The following ZBTB46 variants were observed in gnomAD, a reference collection of about 807,000 sequenced individuals.
The protein encoded by ZBTB46 is zinc finger and BTB domain-containing protein 46.
In ZBTB46, 8 loss-of-function variants were observed where a neutral mutation model predicts 44.1. The observed-to-expected ratio is 0.18, with a 90% CI of 0.11 to 0.33. The LOEUF (loss-of-function observed/expected upper bound fraction) is 0.33. ZBTB46 is among the 10% of genes least tolerant of loss of function. The probability of loss-of-function intolerance (pLI) is 1.00; values close to 1 mark genes in which losing one functional copy is unlikely to be tolerated. For missense variants in ZBTB46, 651 were observed against 847.7 expected (o/e 0.77, Z 2.88); for synonymous variants, 409 against 382.3 (o/e 1.07, Z -0.81).
chr20:63,826,106 A>G (rs2146103001), intron 1 of ZBTB46, among the ~76,000 whole-genome samples: 2 of 152,374 alleles, frequency 1.3e-5, no homozygotes, highest in Admixed American at 1.3e-4. Context: ...GCGATATGCC[A>G]GCGAATGGGA....
At chr20:63,762,213 G>A (rs1296155111) in intron 3 of ZBTB46, among the ~76,000 whole-genome samples, 1 of 152,172 alleles carries the variant, frequency 6.6e-6, no homozygotes, top group Admixed American at 6.5e-5. Context: ...TTTAACATTT[G>A]AAAACTGTGT....
At chr20:63,764,943 G>T (rs1175163640) in intron 3 of ZBTB46, among the ~76,000 whole-genome samples, 1 of 150,894 alleles carries the variant, frequency 6.6e-6, no homozygotes, top group Non-Finnish European at 1.5e-5. Flanking sequence ...TTTTGAGACG[G>T]AGTCTTGCTC....
chr20:63,823,880 G>GTGTGTGTGTGTGTGTGTGTGTGTA (rs2092806121), intron 1 of ZBTB46, among the ~76,000 whole-genome samples: 1 of 151,828 alleles, frequency 6.6e-6, no homozygotes, highest in African/African-American at 2.4e-5. Flanking sequence ...GTGTGTGTGT[G>GTGTGTGTGTGTGTGTGTGTGTGTA]TGTGTGTGTT....
chr20:63,781,434 C>T (rs1352028763), intron 2 of ZBTB46, among the ~76,000 whole-genome samples: 1 of 152,300 alleles, frequency 6.6e-6, no homozygotes, highest in Non-Finnish European at 1.5e-5. Flanking sequence ...AAGACCTGGA[C>T]AGACACTTTA....
intron 1 of ZBTB46, among the ~76,000 whole-genome samples, chr20:63,819,849 C>T (rs1177219435): frequency 6.6e-6 from 1 of 152,156 alleles, no homozygotes; most frequent in African/African-American, 2.4e-5. Context: ...CGCATTTCAC[C>T]GTCCAGCAGA....
chr20:63,823,452 C>T (rs957561419), intron 1 of ZBTB46, among the ~76,000 whole-genome samples: 16 of 151,588 alleles, frequency 1.1e-4, no homozygotes, highest in African/African-American at 3.6e-4. Flanking sequence ...GAGCCAAGAT[C>T]ACGCCACTGC....
intron 3 of ZBTB46, among the ~76,000 whole-genome samples, chr20:63,761,637 C>T (rs1045918135): frequency 6.6e-6 from 1 of 151,934 alleles, no homozygotes; most frequent in Non-Finnish European, 1.5e-5. Context: ...CAAAAATTAT[C>T]CAGGCGTGGT....
chr20:63,822,651 C>T (rs1463712061), intron 1 of ZBTB46, among the ~76,000 whole-genome samples: 2 of 152,086 alleles, frequency 1.3e-5, no homozygotes, highest in Admixed American at 6.6e-5. Context: ...GACCACACGG[C>T]GAGCACAGGA....
intron 1 of ZBTB46, among the ~76,000 whole-genome samples, chr20:63,796,448 A>G (rs2092604996): frequency 6.6e-6 from 1 of 152,248 alleles, no homozygotes; most frequent in African/African-American, 2.4e-5. Context: ...ACACTGTTTT[A>G]CCACATTCAC....
chr20:63,775,804 CG>C lies in ZBTB46; in HGVS notation c.1095del (p.Ala366ArgfsTer10), dbSNP rs2092420689. 6.2e-7 allele frequency: 1 copy of C among 1,613,298 alleles called. No homozygotes were observed. Among genetic ancestry groups the C allele is most frequent in the Non-Finnish European group, 8.5e-7 (1 of 1,179,990 alleles). ...AGCGCCGCGCGCAGGTTGGCCACCG[CG>C]GTGGCCTGATGCAGGGCGTCGTCCT... is the stretch of plus-strand genomic sequence containing the variant. ...PEKDDALHQA[T>X]AVANLRAALM... On this transcript the variant is annotated frameshift_variant, in exon 3 of 5. Coordinates refer to ENST00000245663, the MANE Select transcript of ZBTB46 (RefSeq NM_001369741.1). LOFTEE classifies it high-confidence loss of function.
At chr20:63,772,991 G>C (rs2092389692) in intron 3 of ZBTB46, among the ~76,000 whole-genome samples, 1 of 152,190 alleles carries the variant, frequency 6.6e-6, no homozygotes, top group Non-Finnish European at 1.5e-5. Context: ...GAAACTGCCA[G>C]GGCCACCAAG....
chr20:63,828,791 G>C (rs1450009789), intron 1 of ZBTB46, among the ~76,000 whole-genome samples: 1 of 152,220 alleles, frequency 6.6e-6, no homozygotes, highest in Non-Finnish European at 1.5e-5. Flanking sequence ...ACGGCAGTGG[G>C]AGGAACCGGC....
At chr20:63,760,910 C>T (rs1419020195) in intron 3 of ZBTB46, among the ~76,000 whole-genome samples, 7 of 150,786 alleles carry the variant, frequency 4.6e-5, no homozygotes, top group Admixed American at 1.3e-4. Flanking sequence ...CTGACTTAAC[C>T]TCCCGAAGTG....
At chr20:63,790,841 T>A in intron 1 of ZBTB46, 51 bp from the exon 2 acceptor site, 4 of 1,463,476 alleles carry the variant, frequency 2.7e-6, no homozygotes, top group Non-Finnish European at 3.6e-6. Context: ...ACAGAGGCCG[T>A]GAGAGGACGC....
At chr20:63,773,085 T>A (rs1038035080) in intron 3 of ZBTB46, among the ~76,000 whole-genome samples, 5 of 152,114 alleles carry the variant, frequency 3.3e-5, no homozygotes, top group Non-Finnish European at 5.9e-5. Flanking sequence ...AATCGACATC[T>A]TCTGCCAAGC....
intron 2 of ZBTB46, among the ~76,000 whole-genome samples, chr20:63,789,572 T>C (rs566492463): frequency 6.6e-6 from 1 of 152,188 alleles, no homozygotes; most frequent in Non-Finnish European, 1.5e-5. Context: ...AGCCCCCGTG[T>C]GTGGGTGACA....
Position 63,752,815 on chromosome 20 carries a change from G to A in ZBTB46, c.1269C>T (p.Cys423=). The part of the protein sequence containing the change: ...VIRKKFKCPY[C]SFSAMHQCIL... ...TGCACTGGTGCATGGCCGAGAAGCT[G>A]CAGTACGGACACTTGAACTTCTTCC... Residue 423 remains cysteine, a synonymous_variant, in exon 4 of 5, where the codon TGC becomes TGT. Transcript: ENST00000245663. The surrounding 1 kb of genome is among the most constrained non-coding windows in gnomAD (Gnocchi z 5.6). 1 of 1,612,696 alleles carries A rather than the reference G, an allele frequency of 6.2e-7. No homozygotes were observed. The highest frequency in any genetic ancestry group is 8.5e-7 in the Non-Finnish European group (1 of 1,179,232).
Position 63,752,938 on chromosome 20 carries a change from G to T in ZBTB46, c.1223-77C>A. The T allele has an allele frequency of 1.4e-6, 2 of 1,470,606 alleles. No homozygotes were observed. Among genetic ancestry groups the T allele is most frequent in the East Asian group, 4.8e-5 (2 of 41,972 alleles). The allele number at this position is 1,470,606 out of a possible 1,614,324, so 91.1% of individuals were successfully genotyped here. A position where few individuals can be genotyped will look rare whatever the true frequency, so the allele number is the denominator to read the frequency against. ...TGCGGCCCACAGACCACGGCTGCAC[G>T]CCGCAGCCCAGCAGCCAGGACGGGC... On this transcript the variant is annotated intron_variant, in intron 3 of 4. Transcript: ENST00000245663. This position sits in a 1 kb window ranked among gnomAD's most constrained non-coding sequence, Gnocchi z 5.6.
In ZBTB46 at chr20:63,782,028, A is replaced by G. The variant is rs539999397; in HGVS notation, c.938-6066T>C. Among the ~76,000 whole-genome samples, 3 of 147,404 alleles carry G rather than the reference A, an allele frequency of 2.0e-5. No individual in the cohort carries two copies. The South Asian group carries it at 6.5e-4, about 32-fold the overall frequency. On this transcript the variant is annotated intron_variant, in intron 2 of 4. Transcript: ENST00000245663. ...CATGAACCGGGGAGGCGGAGCTTGCAGTGAGCCGAGATGGCGCCACTGCAC... is the reference window on the plus strand; with the variant it reads ...CATGAACCGGGGAGGCGGAGCTTGCGGTGAGCCGAGATGGCGCCACTGCAC...
Sources: gnomAD v4.1 joint callset for allele counts (sites outside exome capture counted in the v4.1 genomes callset) on GRCh38, gnomAD v4.1.1 for gene constraint, Gnocchi (gnomAD v3.1) non-coding constraint, MANE v1.5 for transcripts, NCBI Gene and HGNC (gene_info 2026-07-23, HGNC 2026-07-21) for gene names.